MYO3A: variants seen among roughly 807,000 people sequenced by gnomAD.
MYO3A encodes the protein myosin-IIIa.
Under a neutral mutation model 192.7 loss-of-function variants are expected in MYO3A, and 180 were observed. The observed-to-expected ratio is 0.93, with a 90% CI of 0.83 to 1.06. MYO3A has a LOEUF of 1.06. Ranked by LOEUF, MYO3A falls within the 50% of genes least tolerant of loss-of-function variation. MYO3A has a pLI of 0.00. For missense variants in MYO3A, 1,896 were observed against 1,905.0 expected (o/e 1.00, Z 0.09); for synonymous variants, 628 against 645.3 (o/e 0.97, Z 0.41).
intron 29 of MYO3A, among the ~76,000 whole-genome samples, chr10:26,172,098 A>G (rs1231934490): frequency 6.6e-6 from 1 of 152,232 alleles, no homozygotes; most frequent in African/African-American, 2.4e-5. Flanking sequence ...AAAGAAGTAG[A>G]GGCAGAAAGT....
chr10:25,972,547 T>G (rs1452662152), intron 4 of MYO3A, among the ~76,000 whole-genome samples: 1 of 152,184 alleles, frequency 6.6e-6, no homozygotes, highest in African/African-American at 2.4e-5. Context: ...AAAATTTGCT[T>G]AAATTATTAT....
At chr10:25,975,955 G>T (rs2130764567) in intron 4 of MYO3A, among the ~76,000 whole-genome samples, 1 of 152,284 alleles carries the variant, frequency 6.6e-6, no homozygotes, top group Non-Finnish European at 1.5e-5. Context: ...AAGGTAGTAA[G>T]CTAGAACTTT....
intron 32 of MYO3A, among the ~76,000 whole-genome samples, chr10:26,200,594 A>G (rs1018041716): frequency 3.3e-5 from 5 of 152,264 alleles, no homozygotes; most frequent in African/African-American, 7.2e-5. Context: ...AAACTTACAT[A>G]CAAAGGACCA....
chr10:26,150,958 T>C (rs1193809907), intron 23 of MYO3A, among the ~76,000 whole-genome samples: 1 of 152,180 alleles, frequency 6.6e-6, no homozygotes. Context: ...TATAAGAGTT[T>C]ATAAGGTTTC....
At chr10:25,946,154 A>C (rs1836817439) in intron 2 of MYO3A, among the ~76,000 whole-genome samples, 1 of 152,186 alleles carries the variant, frequency 6.6e-6, no homozygotes, top group Non-Finnish European at 1.5e-5. Context: ...TGGGTTTGAT[A>C]ATTTTCCATG....
intron 3 of MYO3A, among the ~76,000 whole-genome samples, chr10:25,952,857 AC>A (rs201972252): frequency 0.036 from 5,463 of 150,592 alleles, 372 homozygotes; most frequent in African/African-American, 0.13. Context: ...ACAGGAGGCC[AC>A]AATGGGGGCC....
At chr10:25,981,096 T>G (rs1185685756) in intron 4 of MYO3A, among the ~76,000 whole-genome samples, 4 of 152,174 alleles carry the variant, frequency 2.6e-5, no homozygotes, top group Non-Finnish European at 5.9e-5. Context: ...AATCACACAG[T>G]ATGTAGCCTT....
chr10:26,066,312 T>C (rs1834844414), intron 10 of MYO3A, among the ~76,000 whole-genome samples: 1 of 152,026 alleles, frequency 6.6e-6, no homozygotes. Context: ...TACTTAAGAG[T>C]ATGTCCAAAA....
At chr10:26,126,949 T>C (rs909571082) in intron 19 of MYO3A, among the ~76,000 whole-genome samples, 1 of 152,184 alleles carries the variant, frequency 6.6e-6, no homozygotes, top group African/African-American at 2.4e-5. Flanking sequence ...TTTGTTAAGT[T>C]GTACACTAAG....
intron 5 of MYO3A, 133 bp from the exon 6 acceptor site, chr10:25,997,026 A>T: frequency 1.4e-6 from 1 of 696,334 alleles, no homozygotes; most frequent in Non-Finnish European, 2.5e-6. Context: ...GACTAACTCA[A>T]TGTGAAACAT....
At chr10:25,961,958 C>T (rs892024195) in intron 4 of MYO3A, among the ~76,000 whole-genome samples, 16 of 152,080 alleles carry the variant, frequency 1.1e-4, no homozygotes, top group Non-Finnish European at 2.1e-4. Flanking sequence ...CAGTGCTAGG[C>T]TTTTAATGTG....
intron 31 of MYO3A, among the ~76,000 whole-genome samples, chr10:26,189,229 A>G (rs1843007870): frequency 6.6e-6 from 1 of 152,238 alleles, no homozygotes; most frequent in African/African-American, 2.4e-5. Context: ...TAAGGACAGC[A>G]GTCACATTAG....
At chr10:26,105,973 G>A (rs1213150769) in intron 17 of MYO3A, among the ~76,000 whole-genome samples, 1 of 151,936 alleles carries the variant, frequency 6.6e-6, no homozygotes, top group African/African-American at 2.4e-5. Flanking sequence ...CTCTATTTTA[G>A]CCATCAATCT....
chr10:26,053,006 A>G (rs1268446008), intron 10 of MYO3A, among the ~76,000 whole-genome samples: 2 of 152,230 alleles, frequency 1.3e-5, no homozygotes, highest in Non-Finnish European at 2.9e-5. Flanking sequence ...ACTTTTCACA[A>G]GAGGACAAAA....
chr10:26,203,884 T>G (rs1483806381), intron 34 of MYO3A, among the ~76,000 whole-genome samples: 1 of 152,212 alleles, frequency 6.6e-6, no homozygotes, highest in Non-Finnish European at 1.5e-5. Flanking sequence ...TGGATCCTGA[T>G]CCTGCTGCTT....
intron 31 of MYO3A, 112 bp downstream of exon 31, chr10:26,176,957 T>C: frequency 8.0e-7 from 1 of 1,245,012 alleles, no homozygotes. Context: ...GTGTCCTGTC[T>C]TAGGAGAACC....
chr10:26,209,464 A>G (rs766745309), intron 34 of MYO3A, among the ~76,000 whole-genome samples: 1 of 152,022 alleles, frequency 6.6e-6, no homozygotes, highest in Non-Finnish European at 1.5e-5. Flanking sequence ...TAATGATACT[A>G]CCTCCTGCAC....
At chr10:26,051,210 C>T (rs778594234) in intron 10 of MYO3A, among the ~76,000 whole-genome samples, 14 of 152,006 alleles carry the variant, frequency 9.2e-5, no homozygotes, top group African/African-American at 2.2e-4. Context: ...TTAAACATCA[C>T]GTAATATTCT....
chr10:25,938,499 G>A (rs1836261627), intron 2 of MYO3A, among the ~76,000 whole-genome samples: 1 of 152,174 alleles, frequency 6.6e-6, no homozygotes, highest in African/African-American at 2.4e-5. Context: ...ACTCTGTGGA[G>A]AGAGACAAAA....
Sources: gnomAD v4.1 joint callset for allele counts (sites outside exome capture counted in the v4.1 genomes callset) on GRCh38, gnomAD v4.1.1 for gene constraint, MANE v1.5 for transcripts, NCBI Gene and HGNC (gene_info 2026-07-23, HGNC 2026-07-21) for gene names.